STARD13: variants seen among roughly 807,000 people sequenced by gnomAD.
The protein encoded by STARD13 is StAR related lipid transfer domain containing 13.
STARD13 carries 62 observed loss-of-function variants against 106.4 expected under a neutral mutation model. The ratio of observed to expected loss-of-function variants is 0.58; its 90% CI spans 0.48 to 0.72. STARD13 has a LOEUF of 0.72. Among genes scored for constraint, STARD13 ranks in the 30% least tolerant of loss-of-function variants. The pLI is 0.00. For missense variants in STARD13, 1,387 were observed against 1,424.0 expected, an observed-to-expected ratio of 0.97 and a Z score of 0.42; for synonymous variants, 565 against 553.0, an observed-to-expected ratio of 1.02 and a Z score of -0.31.
the STARD13 span, among the ~76,000 whole-genome samples, chr13:33,454,781 T>C: frequency 1.1e-4 from 16 of 152,136 alleles, no homozygotes; most frequent in Non-Finnish European, 2.1e-4. Context: ...AGAAAACGAA[T>C]GAAGGGGAGC....
chr13:33,495,007 T>G, the STARD13 span, among the ~76,000 whole-genome samples: 3 of 151,828 alleles, frequency 2.0e-5, no homozygotes, highest in Non-Finnish European at 4.4e-5. Context: ...TCACTAACCA[T>G]GCATTCCCAT....
intron 8 of STARD13, among the ~76,000 whole-genome samples, chr13:33,115,422 G>T (rs955914053): frequency 1.3e-5 from 2 of 152,160 alleles, no homozygotes; most frequent in African/African-American, 4.8e-5. Context: ...GTCCAGTTCG[G>T]TGCCTCTTGT....
At chr13:33,260,044 A>G (rs73179059) in intron 1 of STARD13, among the ~76,000 whole-genome samples, 3 of 152,066 alleles carry the variant, frequency 2.0e-5, no homozygotes, top group Non-Finnish European at 4.4e-5. Flanking sequence ...TATCTCCTAT[A>G]ATTACCTCAT....
the STARD13 span, among the ~76,000 whole-genome samples, chr13:33,414,425 C>T: frequency 3.3e-5 from 5 of 152,142 alleles, no homozygotes; most frequent in Non-Finnish European, 7.3e-5. Flanking sequence ...GTTGAGCAAA[C>T]TTTGGTGAGT....
chr13:33,344,808 T>G (rs2078001054), downstream of STARD13, among the ~76,000 whole-genome samples: 1 of 152,220 alleles, frequency 6.6e-6, no homozygotes, highest in African/African-American at 2.4e-5. Context: ...ACAGGCTACC[T>G]AAATATTGTT....
chr13:33,494,538 T>G, the STARD13 span, among the ~76,000 whole-genome samples: 3 of 151,930 alleles, frequency 2.0e-5, no homozygotes, highest in Non-Finnish European at 4.4e-5. Context: ...CTGCTCTACC[T>G]CCCCCACCTT....
the STARD13 span, among the ~76,000 whole-genome samples, chr13:33,544,773 T>C: frequency 6.0e-5 from 5 of 83,944 alleles, no homozygotes; most frequent in East Asian, 9.1e-4. Flanking sequence ...TTTTTCTCTT[T>C]TTTTTTTTTT....
chr13:33,493,762 G>A, the STARD13 span, among the ~76,000 whole-genome samples: 1 of 152,216 alleles, frequency 6.6e-6, no homozygotes, highest in South Asian at 2.1e-4. Context: ...TTGAAGTTAA[G>A]AAAATTCAAA....
chr13:33,159,252 G>A (rs771411769), intron 3 of STARD13, among the ~76,000 whole-genome samples: 6 of 152,128 alleles, frequency 3.9e-5, no homozygotes, highest in Non-Finnish European at 8.8e-5. Flanking sequence ...TTTTCTGGAC[G>A]ACACTAGTAT....
the STARD13 span, among the ~76,000 whole-genome samples, chr13:33,544,964 T>C: frequency 6.6e-6 from 1 of 151,604 alleles, no homozygotes; most frequent in Non-Finnish European, 1.5e-5. Context: ...TTTATTTATT[T>C]ATTTATTTGA....
chr13:33,140,122 C>T (rs918254986), intron 4 of STARD13, among the ~76,000 whole-genome samples: 6 of 152,306 alleles, frequency 3.9e-5, no homozygotes, highest in East Asian at 1.9e-4. Flanking sequence ...GTGGAGGTAA[C>T]GCACAAAGAG....
intron 3 of STARD13, among the ~76,000 whole-genome samples, chr13:33,161,475 C>A (rs1234671936): frequency 6.6e-6 from 1 of 152,072 alleles, no homozygotes; most frequent in African/African-American, 2.4e-5. Context: ...CCACCATGCC[C>A]AGCTAATTTT....
At chr13:33,349,355 A>G in intron 1 of STARD13, 1 of 662,260 alleles carries the variant, frequency 1.5e-6, no homozygotes, top group Non-Finnish European at 2.7e-6. Context: ...TAAACCCTGC[A>G]CTGCCCAGGA....
intron 8 of STARD13, among the ~76,000 whole-genome samples, chr13:33,114,487 C>G (rs1367246620): frequency 6.6e-6 from 1 of 152,180 alleles, no homozygotes; most frequent in Non-Finnish European, 1.5e-5. Flanking sequence ...ACAAGATATA[C>G]CTGGGGTTTA....
chr13:33,649,311 A>G, the STARD13 span, among the ~76,000 whole-genome samples: 3 of 151,946 alleles, frequency 2.0e-5, no homozygotes, highest in Non-Finnish European at 4.4e-5. Context: ...ACTTCTCTCG[A>G]CTTTTCTTGG....
At chr13:33,280,645 A>G (rs1440035339) in intron 1 of STARD13, 2 of 152,200 alleles carry the variant, frequency 1.3e-5, no homozygotes, top group African/African-American at 2.4e-5. Flanking sequence ...AACAGACTGG[A>G]CTTCCTAACA....
intron 1 of STARD13, among the ~76,000 whole-genome samples, chr13:33,178,107 C>T (rs185974969): frequency 3.3e-5 from 5 of 152,156 alleles, no homozygotes; most frequent in East Asian, 1.9e-4. Flanking sequence ...GTTGGCATAA[C>T]GTCTCTTGTT....
At chr13:33,481,790 T>C in the STARD13 span, among the ~76,000 whole-genome samples, 1 of 151,990 alleles carries the variant, frequency 6.6e-6, no homozygotes, top group Non-Finnish European at 1.5e-5. Context: ...CTATCCTGGC[T>C]AACACGGTGA....
intron 8 of STARD13, chr13:33,113,465 G>C (rs923777519): frequency 2.1e-6 from 1 of 482,100 alleles, no homozygotes; most frequent in Non-Finnish European, 4.2e-6. Flanking sequence ...ACAATTCACC[G>C]GGAGTGGTGT....
Sources: allele counts gnomAD v4.1 joint callset (sites outside exome capture counted in the v4.1 genomes callset), GRCh38; gene constraint gnomAD v4.1.1; transcripts MANE v1.5; gene names NCBI Gene and HGNC (gene_info 2026-07-23, HGNC 2026-07-21).